CFLAR: variants seen among roughly 807,000 people sequenced by gnomAD.
CFLAR encodes CASP8 and FADD-like apoptosis regulator.
In CFLAR, 14 loss-of-function variants were observed where a neutral mutation model predicts 51.1. The ratio of observed to expected loss-of-function variants is 0.27; its 90% CI spans 0.18 to 0.43. The LOEUF is 0.43. CFLAR is among the 20% of genes least tolerant of loss of function. The pLI is 1.00. For synonymous variants in CFLAR, 210 were observed against 211.6 expected, an observed-to-expected ratio of 0.99 and a Z score of 0.06; for missense variants, 390 against 566.5, an observed-to-expected ratio of 0.69 and a Z score of 3.16.
rs1300838436 is a variant in CFLAR at position 201,174,839 on chromosome 2, A to G, written c.*10866A>G. ...TTGGCAGGACTGGTTTCCCAAGACC[A>G]CAAGACCCTGTAAGACCCTGCTGAT... On this transcript the variant is annotated 3_prime_UTR_variant, in exon 10 of 10. Coordinates refer to ENST00000309955, the MANE Select transcript of CFLAR (RefSeq NM_003879.7). 6.6e-6 allele frequency: 1 copy of G among 152,240 alleles called. No homozygotes were observed. Among genetic ancestry groups the G allele is most frequent in the Non-Finnish European group, 1.5e-5 (1 of 68,042 alleles). The allele number at this position is 152,240 out of a possible 1,614,324, so 9.4% of individuals were successfully genotyped here.
At chr2:201,123,102 CTGG>C (rs1272105323) in intron 1 of CFLAR, among the ~76,000 whole-genome samples, 1 of 152,180 alleles carries the variant, frequency 6.6e-6, no homozygotes, top group African/African-American at 2.4e-5. Context: ...TCCCTTGCTC[CTGG>C]TGACTTTGCC....
At position 201,138,462 on chromosome 2, in the gene CFLAR, C is replaced by G; in HGVS notation, c.524-1895C>G. 1.1e-6 allele frequency: 1 copy of G among 902,128 alleles called. No homozygotes were observed. Among genetic ancestry groups the G allele is most frequent in the Non-Finnish European group, 1.9e-6 (1 of 539,170 alleles). The allele number at this position is 902,128 out of a possible 1,614,324, so 55.9% of individuals were successfully genotyped here. ...TTCCTTTCTTACTAAGCTGCAGGATCTCATTTGCCTCTTTCAACCTCACAC... is the reference window on the plus strand; with the variant it reads ...TTCCTTTCTTACTAAGCTGCAGGATGTCATTTGCCTCTTTCAACCTCACAC... On this transcript the variant is annotated intron_variant, in intron 4 of 9. Coordinates refer to ENST00000309955, the MANE Select transcript of CFLAR (RefSeq NM_003879.7). This position sits in a 1 kb window ranked among gnomAD's most constrained non-coding sequence, Gnocchi z 4.0.
intron 8 of CFLAR, 37 bp from the exon 9 acceptor site, chr2:201,160,395 A>G (rs1942854742): frequency 1.3e-6 from 2 of 1,593,940 alleles, no homozygotes; most frequent in East Asian, 2.2e-5. Flanking sequence ...TCCTCACTCC[A>G]GTGTTGTTTT....
At chr2:201,123,350 A>T (rs550625662) in intron 1 of CFLAR, among the ~76,000 whole-genome samples, 2 of 152,300 alleles carry the variant, frequency 1.3e-5, no homozygotes, top group Admixed American at 1.3e-4. Context: ...TAATTTATAA[A>T]AAACAAATTT....
rs748240470 is a variant in CFLAR, at chr2:201,140,378, A to T, written c.545A>T (p.Tyr182Phe). ...KQSVQGAGTS[Y>F]RNVLQAAIQK... is the part of the protein sequence containing the mutation. ...ATAGTTCAAGGAGCAGGGACAAGTT[A>T]CAGGAATGTTCTCCAAGCAGCAATC... The change falls in exon 5 of 10, where the codon TAC (tyrosine) becomes TTC (phenylalanine). Residue 182 changes from tyrosine (Y) to phenylalanine (F), a missense_variant. This residue lies in a region of CFLAR where 287 missense variants were observed against 363.6 expected (regional missense o/e 0.79). Coordinates refer to ENST00000309955, the MANE Select transcript of CFLAR (RefSeq NM_003879.7). 1.2e-6 allele frequency: 2 copies of T among 1,610,878 alleles called. No homozygotes were observed. The highest frequency in any genetic ancestry group is 3.4e-5 in the Admixed American group (2 of 59,098).
At position 201,131,207 on chromosome 2, in the gene CFLAR, A is replaced by AAAG. The variant is rs1239250119; in HGVS notation, c.281+1062_281+1064dup. On this transcript the variant is annotated intron_variant, in intron 2 of 9. Coordinates refer to ENST00000309955, the MANE Select transcript of CFLAR (RefSeq NM_003879.7). Reference sequence around the variant, plus strand: ...CTACTGAGAGACTGACTTCCTGGGGAAAGGAAGATAACTTGTAACCTTAAG... The same window carrying AAAG: ...CTACTGAGAGACTGACTTCCTGGGGAAAGAAGGAAGATAACTTGTAACCTTAAG... Among the ~76,000 whole-genome samples, 3 of 152,146 alleles carry AAAG rather than the reference A, an allele frequency of 2.0e-5. No homozygotes were observed. In the East Asian group the frequency reaches 5.8e-4, roughly 29 times the overall value.
intron 4 of CFLAR, chr2:201,136,613 C>A (rs1445682427): frequency 5.4e-5 from 77 of 1,432,188 alleles, no homozygotes; most frequent in Non-Finnish European, 6.7e-5. Context: ...GCTTTACTTG[C>A]ATTCCTCATT....
Position 201,138,961 on chromosome 2 carries a change from G to A in CFLAR, c.524-1396G>A. The A allele has an allele frequency of 6.8e-6, 4 of 589,184 alleles. No individual in the cohort carries two copies. The highest frequency in any genetic ancestry group is 1.3e-5 in the Non-Finnish European group (4 of 306,650). 36.5% of individuals were successfully genotyped at this position (589,184 alleles called of 1,614,324 possible). A position where few individuals can be genotyped will look rare whatever the true frequency, so the allele number is the denominator to read the frequency against. ...ATCCTGGGAGAATCAAGAAGTCGTT[G>A]TAGGTGAGTCCCTGGTCACTGGCGA... On this transcript the variant is annotated intron_variant, in intron 4 of 9. Transcript: ENST00000309955. This position sits in a 1 kb window ranked among gnomAD's most constrained non-coding sequence, Gnocchi z 4.0.
At position 201,136,918 on chromosome 2, in the gene CFLAR, C is replaced by T. The variant is rs143976711; in HGVS notation, c.523+811C>T. 408 of 200,470 alleles carry T rather than the reference C, an allele frequency of 2.0e-3. 3 individuals are homozygous for T. The highest frequency in any genetic ancestry group is 7.8e-3 in the African/African-American group (335 of 43,016). The allele number at this position is 200,470 out of a possible 1,614,324, so 12.4% of individuals were successfully genotyped here. ...GCTGAGGAGAGGGCAGGAATGGGGA[C>T]GGTGGTGAGTCAGGAATGACAGGCA... On this transcript the variant is annotated intron_variant, in intron 4 of 9. Transcript: ENST00000309955.
At chr2:201,140,022 C>A (rs1190619595) in intron 4 of CFLAR, 2 of 315,636 alleles carry the variant, frequency 6.3e-6, no homozygotes, top group Non-Finnish European at 6.5e-6. Context: ...ATAGGTAGTC[C>A]CTCATGCTGC....
chr2:201,155,358 C>T lies in CFLAR; in HGVS notation c.794-5074C>T, dbSNP rs35631410. Among the ~76,000 whole-genome samples, 1,309 of 152,052 alleles carry T rather than the reference C, an allele frequency of 8.6e-3. 10 individuals carry two copies. Among genetic ancestry groups the T allele is most frequent in the Non-Finnish European group, 0.013 (879 of 67,962 alleles). On this transcript the variant is annotated intron_variant, in intron 8 of 9. Transcript: ENST00000309955. ...TTGGCTCACTGCAACCTCTGTCTCC[C>T]GGGTTCAAGCGATTCTCCGCCTCAG...
chr2:201,145,056 T>C (rs1328330412), intron 5 of CFLAR, among the ~76,000 whole-genome samples: 1 of 152,134 alleles, frequency 6.6e-6, no homozygotes, highest in Admixed American at 6.5e-5. Context: ...TTTTACCATG[T>C]TGGCCAGGCC....
intron 5 of CFLAR, 56 bp downstream of exon 5, chr2:201,140,495 T>C: frequency 3.1e-6 from 4 of 1,287,124 alleles, no homozygotes; most frequent in Non-Finnish European, 4.4e-6. Flanking sequence ...AGAGTTCTAA[T>C]AAAAATATGC....
chr2:201,161,738 C>CTTTTTT (rs3044256), intron 9 of CFLAR, among the ~76,000 whole-genome samples: 2 of 101,270 alleles, frequency 2.0e-5, no homozygotes, highest in African/African-American at 3.7e-5. Flanking sequence ...TTTAATTTTT[C>CTTTTTT]TTTTTTTTTT....
At chr2:201,153,058 A>G (rs1941544459) in intron 8 of CFLAR, 1 of 152,194 alleles carries the variant, frequency 6.6e-6, no homozygotes, top group African/African-American at 2.4e-5. Context: ...TTGGTGGTAC[A>G]TTGCTGGACA....
intron 4 of CFLAR, chr2:201,136,434 C>G: frequency 6.3e-7 from 1 of 1,598,282 alleles, no homozygotes; most frequent in South Asian, 1.1e-5. Context: ...CTGAACCCTA[C>G]TGCCTTGCTC....
At chr2:201,140,181 CCATTCTT>C (rs1938328812) in intron 4 of CFLAR, 169 bp from the exon 5 acceptor site, 1 of 671,830 alleles carries the variant, frequency 1.5e-6, no homozygotes, top group African/African-American at 1.9e-5. Context: ...GCCCTATACT[CCATTCTT>C]CATGATGTTT....
intron 6 of CFLAR, 117 bp from the exon 7 acceptor site, chr2:201,148,886 G>T (rs1940766832): frequency 1.4e-6 from 1 of 708,584 alleles, no homozygotes; most frequent in Non-Finnish European, 2.5e-6. Context: ...GGAAAGAAGA[G>T]ATAATTGAAG....
chr2:201,144,779 G>C (rs1939758011), intron 5 of CFLAR, among the ~76,000 whole-genome samples: 1 of 152,054 alleles, frequency 6.6e-6, no homozygotes, highest in East Asian at 1.9e-4. Context: ...ATACTATACT[G>C]TAACATCAGA....
Sources: gnomAD v4.1 joint callset for allele counts (sites outside exome capture counted in the v4.1 genomes callset) on GRCh38, gnomAD v4.1.1 for gene constraint, gnomAD v4.1.1 regional missense constraint, Gnocchi (gnomAD v3.1) non-coding constraint, MANE v1.5 for transcripts, NCBI Gene and HGNC (gene_info 2026-07-23, HGNC 2026-07-21) for gene names.